NRG1: variants seen among roughly 807,000 people sequenced by gnomAD.
The protein encoded by NRG1 is pro-neuregulin-1, membrane-bound isoform.
A neutral mutation model predicts 63.8 loss-of-function variants in NRG1; 18 were observed. The observed-to-expected ratio is 0.28, with a 90% CI of 0.19 to 0.42. The LOEUF (loss-of-function observed/expected upper bound fraction) is 0.42, where lower values mean the gene tolerates loss of function less well. Among genes scored for constraint, NRG1 ranks in the 10% least tolerant of loss-of-function variants. The probability of loss-of-function intolerance (pLI) is 1.00; values close to 1 mark genes in which losing one functional copy is unlikely to be tolerated. For synonymous variants in NRG1, 302 were observed against 301.3 expected, an observed-to-expected ratio of 1.00 and a Z score of -0.02; for missense variants, 762 against 814.7, an observed-to-expected ratio of 0.94 and a Z score of 0.79.
intron 1 of NRG1, among the ~76,000 whole-genome samples, chr8:32,473,633 G>A (rs566343010): frequency 2.2e-4 from 34 of 152,074 alleles, no homozygotes; most frequent in South Asian, 8.3e-4. Context: ...TATGATTTCC[G>A]CAGACTTAAA....
intron 5 of NRG1, among the ~76,000 whole-genome samples, chr8:32,621,860 C>G (rs1183562152): frequency 6.6e-6 from 1 of 152,180 alleles, no homozygotes; most frequent in Non-Finnish European, 1.5e-5. Context: ...CAGTGGACTG[C>G]TATGTCACAT....
intron 1 of NRG1, among the ~76,000 whole-genome samples, chr8:32,256,791 C>T (rs1053422455): frequency 2.0e-5 from 3 of 152,156 alleles, no homozygotes; most frequent in African/African-American, 7.2e-5. Context: ...GGCAGTCTGT[C>T]CCTTAGCAGA....
At position 32,691,765 on chromosome 8, in the gene NRG1, T is replaced by G. The variant is rs117036989; in HGVS notation, c.503-36184T>G. Among the ~76,000 whole-genome samples, 399 of 152,346 alleles carry G rather than the reference T, an allele frequency of 2.6e-3. 4 individuals carry two copies. Among genetic ancestry groups the G allele is most frequent in the Non-Finnish European group, 4.1e-3 (280 of 68,030 alleles). On this transcript the variant is annotated intron_variant, in intron 5 of 11. Transcript: ENST00000356819. ...GGGAATTGTTGTTGTGATTAAGTAG[T>G]TAAATTTGTATATTTTTTTCCTGCT...
chr8:31,884,092 C>A (rs986147894), intron 1 of NRG1, among the ~76,000 whole-genome samples: 3 of 152,024 alleles, frequency 2.0e-5, no homozygotes, highest in Admixed American at 2.0e-4. Context: ...CCTATTGCTG[C>A]CCCCAATGAA....
intron 5 of NRG1, among the ~76,000 whole-genome samples, chr8:32,727,023 C>T (rs1822378140): frequency 6.6e-6 from 1 of 151,492 alleles, no homozygotes; most frequent in Admixed American, 6.6e-5. Flanking sequence ...GTATATTAGA[C>T]TATTTTTGGT....
chr8:32,043,731 A>T (rs562239946), intron 1 of NRG1, among the ~76,000 whole-genome samples: 22 of 152,068 alleles, frequency 1.4e-4, no homozygotes, highest in Admixed American at 9.8e-4. Flanking sequence ...TCTAAATATA[A>T]CATGAAAATT....
In NRG1 at chr8:32,537,543, C is replaced by T. The variant is rs113746847; in HGVS notation, c.38-58285C>T. Among the ~76,000 whole-genome samples the T allele has an allele frequency of 1.3e-3, 191 of 152,240 alleles. 1 individual carries two copies. Among genetic ancestry groups the T allele is most frequent in the Admixed American group, 3.1e-3 (48 of 15,298 alleles). ...TTTGGGCATGAAGCTTCTTTTAATA[C>T]GGCTGGCCTGGATTCAGAGATGTCT... On this transcript the variant is annotated intron_variant, in intron 1 of 10. Transcript: ENST00000519301.
intron 1 of NRG1, among the ~76,000 whole-genome samples, chr8:32,419,188 C>T (rs574122020): frequency 2.0e-5 from 3 of 152,290 alleles, no homozygotes; most frequent in Non-Finnish European, 4.4e-5. Context: ...AAGCATTGGC[C>T]TTGGATAACA....
chr8:32,065,110 G>C (rs896411862), intron 1 of NRG1, among the ~76,000 whole-genome samples: 5 of 151,438 alleles, frequency 3.3e-5, no homozygotes, highest in East Asian at 1.9e-4. Context: ...GGCTGCTCCT[G>C]ATCCTTTAGT....
chr8:32,711,880 TTAAGAA>T (rs1349094584), intron 5 of NRG1, among the ~76,000 whole-genome samples: 4 of 152,150 alleles, frequency 2.6e-5, no homozygotes, highest in African/African-American at 9.7e-5. Context: ...AATATGACTA[TTAAGAA>T]TGAGTACATT....
chr8:31,896,585 C>T (rs998881544), intron 1 of NRG1, among the ~76,000 whole-genome samples: 4 of 152,180 alleles, frequency 2.6e-5, no homozygotes, highest in African/African-American at 9.7e-5. Context: ...ATTAGAATAA[C>T]CTGGAGGGTT....
At chr8:31,677,012 T>G (rs1807774805) in intron 1 of NRG1, among the ~76,000 whole-genome samples, 1 of 152,182 alleles carries the variant, frequency 6.6e-6, no homozygotes, top group Non-Finnish European at 1.5e-5. Flanking sequence ...CTTCCCTTGC[T>G]TGTCTCTAGC....
At chr8:31,923,382 A>C (rs867004212) in intron 1 of NRG1, among the ~76,000 whole-genome samples, 2 of 152,140 alleles carry the variant, frequency 1.3e-5, no homozygotes, top group South Asian at 2.1e-4. Context: ...TGTGTATATG[A>C]CTTTTGAGAA....
rs142476731 is a variant in NRG1, at chr8:32,042,617, C to T, written c.37+403186C>T. Among the ~76,000 whole-genome samples the T allele has an allele frequency of 3.3e-5, 5 of 152,132 alleles. No homozygotes were observed. The East Asian group carries it at 9.7e-4, about 29-fold the overall frequency. ...TGGAATTACCTGACTGACTCTAAAG[C>T]AGCTGTTATTAAAATGTTCCAATGA... is the stretch of plus-strand genomic sequence containing the variant. On this transcript the variant is annotated intron_variant, in intron 1 of 10. Coordinates refer to the NRG1 transcript ENST00000519301.
intron 6 of NRG1, among the ~76,000 whole-genome samples, chr8:32,736,021 T>A (rs1342855623): frequency 2.7e-5 from 4 of 148,938 alleles, no homozygotes; most frequent in Non-Finnish European, 6.0e-5. Context: ...AAAAAAAAAA[T>A]GGAGGATATA....
intron 1 of NRG1, among the ~76,000 whole-genome samples, chr8:32,513,740 C>A (rs936253224): frequency 1.3e-5 from 2 of 151,950 alleles, no homozygotes; most frequent in African/African-American, 4.8e-5. Context: ...TGTCACAAAA[C>A]AAAACTTTAT....
chr8:32,250,813 G>C (rs1648909208), intron 1 of NRG1, among the ~76,000 whole-genome samples: 1 of 151,814 alleles, frequency 6.6e-6, no homozygotes, highest in African/African-American at 2.4e-5. Context: ...CCATGTTTCG[G>C]TGATGATATT....
At chr8:32,719,894 G>A (rs1820191377) in intron 5 of NRG1, among the ~76,000 whole-genome samples, 3 of 151,948 alleles carry the variant, frequency 2.0e-5, no homozygotes, top group Admixed American at 2.0e-4. Context: ...TTAAATTCAG[G>A]TTTGATTTTT....
intron 1 of NRG1, among the ~76,000 whole-genome samples, chr8:32,096,564 C>G (rs555380012): frequency 6.6e-6 from 1 of 152,222 alleles, no homozygotes; most frequent in South Asian, 2.1e-4. Context: ...TTTGTGATGT[C>G]TGGAAAAATT....
Sources: gnomAD v4.1 joint callset for allele counts (sites outside exome capture counted in the v4.1 genomes callset) on GRCh38, gnomAD v4.1.1 for gene constraint, MANE v1.5 for transcripts, NCBI Gene and HGNC (gene_info 2026-07-23, HGNC 2026-07-21) for gene names.